Variants in WDR75 observed in about 807,000 individuals in gnomAD.
WDR75 encodes WD repeat domain 75.
A neutral mutation model predicts 106.1 loss-of-function variants in WDR75; 52 were observed. That is an observed-to-expected ratio of 0.49 (90% CI 0.39 to 0.62). WDR75 has a LOEUF of 0.62. Among genes scored for constraint, WDR75 ranks in the 20% least tolerant of loss-of-function variants. WDR75 has a pLI of 0.00. For missense variants in WDR75, 905 were observed against 970.3 expected, an observed-to-expected ratio of 0.93 and a Z score of 0.89; for synonymous variants, 333 against 335.5, an observed-to-expected ratio of 0.99 and a Z score of 0.08.
chr2:189,444,954 C>A (rs1057116930), intron 1 of WDR75, among the ~76,000 whole-genome samples: 3 of 152,140 alleles, frequency 2.0e-5, no homozygotes, highest in Non-Finnish European at 4.4e-5. Context: ...AATCTTGGTT[C>A]CGACTTGAAA....
intron 14 of WDR75, 150 bp from the exon 15 acceptor site, chr2:189,468,325 C>T: frequency 3.1e-6 from 2 of 644,972 alleles, no homozygotes; most frequent in Middle Eastern, 3.3e-4. Flanking sequence ...ACTCCTTAGA[C>T]ACTTTTTTCT....
Position 189,474,709 on chromosome 2 carries a change from G to C in WDR75, c.2197-8G>C, listed in dbSNP as rs1687178151. The C allele has an allele frequency of 6.2e-7, 1 of 1,613,060 alleles. No homozygotes were observed. The highest frequency in any genetic ancestry group is 1.3e-5 in the African/African-American group (1 of 74,896). ...TTAATTGCAACCGTGTTTTCTGTTT[G>C]ACTCCAGCTTCTTCACACTCCAGCC... On this transcript the variant is annotated splice_polypyrimidine_tract_variant and splice_region_variant and intron_variant, in intron 19 of 20. Coordinates refer to ENST00000314761, the MANE Select transcript of WDR75 (RefSeq NM_032168.3).
chr2:189,470,844 C>A lies in WDR75; in HGVS notation c.2015C>A (p.Ser672Tyr), dbSNP rs1207962325. Residue 672 changes from serine to tyrosine, a missense_variant, in exon 18 of 21, where the codon TCT becomes TAT. Coordinates refer to ENST00000314761, the MANE Select transcript of WDR75 (RefSeq NM_032168.3). Reference sequence around the variant, plus strand: ...AGTTTATTGACATTCAGTACAAAGTCTCCAGAAGAAAAACTCACACCAACA... The same window carrying A: ...AGTTTATTGACATTCAGTACAAAGTATCCAGAAGAAAAACTCACACCAACA... ...SQSLLTFSTK[S>Y]PEEKLTPTSK... The A allele has an allele frequency of 1.3e-6, 2 of 1,595,420 alleles. No individual in the cohort carries two copies. The highest frequency in any genetic ancestry group is 1.7e-6 in the Non-Finnish European group (2 of 1,172,442).
chr2:189,441,581 ATGAGGGGCACCGCGCTTTGTCGGC>A lies in WDR75; in HGVS notation c.86+12_86+35del, dbSNP rs750364678. 407 of 1,556,210 alleles carry A rather than the reference ATGAGGGGCACCGCGCTTTGTCGGC, an allele frequency of 2.6e-4. No homozygotes were observed. The highest frequency in any genetic ancestry group is 3.1e-4 in the Non-Finnish European group (359 of 1,149,170). On this transcript the variant is annotated splice_donor_5th_base_variant and intron_variant, in intron 1 of 20. Coordinates refer to ENST00000314761, the MANE Select transcript of WDR75 (RefSeq NM_032168.3). ...GCTGTGTTCTCTGCAGATTCTAAGT[ATGAGGGGCACCGCGCTTTGTCGGC>A]TGAGGGGCGGGGCGTGAGTTTCTCG...
chr2:189,452,121 A>T lies in WDR75; in HGVS notation c.373+226A>T, dbSNP rs1392780631. On this transcript the variant is annotated intron_variant, in intron 4 of 20. Transcript: ENST00000314761. ...ATGTGGTTGTAATAGTAGATTGCAG[A>T]CCTCAAATTTTAAATCTGCTTTACA... is the stretch of plus-strand genomic sequence containing the variant. The T allele has an allele frequency of 1.2e-5, 5 of 406,208 alleles. No homozygotes were observed. In the East Asian group the frequency reaches 2.2e-4, roughly 18 times the overall value. 25.2% of individuals were successfully genotyped at this position (406,208 alleles called of 1,614,324 possible). A position where few individuals can be genotyped will look rare whatever the true frequency, so the allele number is the denominator to read the frequency against.
At chr2:189,458,634 T>A in intron 6 of WDR75, 119 bp from the exon 7 acceptor site, 1 of 794,260 alleles carries the variant, frequency 1.3e-6, no homozygotes, top group Non-Finnish European at 1.8e-6. Flanking sequence ...GTTATATTTA[T>A]TGAATTCTGA....
At chr2:189,453,687 G>A (rs1363984494) in intron 4 of WDR75, among the ~76,000 whole-genome samples, 2 of 152,168 alleles carry the variant, frequency 1.3e-5, no homozygotes, top group Non-Finnish European at 2.9e-5. Flanking sequence ...AATCTGGATA[G>A]CTGCTACATA....
chr2:189,445,748 AG>A (rs1686485582), intron 1 of WDR75, among the ~76,000 whole-genome samples: 1 of 152,220 alleles, frequency 6.6e-6, no homozygotes, highest in South Asian at 2.1e-4. Context: ...AGCTAGGTGA[AG>A]CGTATGCAGG....
Position 189,448,448 on chromosome 2 carries a change from A to G in WDR75, c.156A>G (p.Ile52Met). ...YSTVTEECVH[I>M]LHGHRNLVTG... ...CAGTTACAGAAGAGTGTGTACACAT[A>G]CTGCATGGACACAGAAATCTGGTGA... Residue 52 changes from isoleucine to methionine, a missense_variant, in exon 2 of 21, where the codon ATA becomes ATG. Transcript: ENST00000314761. 6.2e-7 allele frequency: 1 copy of G among 1,613,868 alleles called. No homozygotes were observed. The highest frequency in any genetic ancestry group is 2.2e-5 in the East Asian group (1 of 44,878).
At position 189,455,415 on chromosome 2, in the gene WDR75, T is replaced by TC; in HGVS notation, c.470dup (p.Pro158ThrfsTer42). ...CTTTGTTTTGGATTACATAAACCAG[T>TC]CACCCAAGTGCATTGCCTTTGGAAA... On this transcript the variant is annotated frameshift_variant, in exon 5 of 21. Transcript: ENST00000314761. LOFTEE classifies it high-confidence loss of function. 6.2e-7 allele frequency: 1 copy of TC among 1,613,672 alleles called. No individual in the cohort carries two copies. The highest frequency in any genetic ancestry group is 8.5e-7 in the Non-Finnish European group (1 of 1,179,822).
intron 1 of WDR75, among the ~76,000 whole-genome samples, chr2:189,447,008 T>C (rs1342578636): frequency 6.6e-6 from 1 of 152,178 alleles, no homozygotes; most frequent in African/African-American, 2.4e-5. Context: ...GAAAAAGGAA[T>C]GATTCATGTC....
chr2:189,474,593 A>T, intron 19 of WDR75, 124 bp from the exon 20 acceptor site: 1 of 941,010 alleles, frequency 1.1e-6, no homozygotes, highest in Non-Finnish European at 1.6e-6. Context: ...TTGTATAGGG[A>T]AAGCCTTTTC....
chr2:189,471,962 T>C lies in WDR75; in HGVS notation c.2049+1084T>C, dbSNP rs543346406. 2.0e-5 allele frequency among the ~76,000 whole-genome samples: 3 copies of C among 152,340 alleles called. No homozygotes were observed. In the South Asian group the frequency reaches 6.2e-4, roughly 32 times the overall value. ...ATTATTGTCCTATTATTTTATAATT[T>C]CCATTATTACTAGAAGACCAATACC... On this transcript the variant is annotated intron_variant, in intron 18 of 20. Coordinates refer to ENST00000314761, the MANE Select transcript of WDR75 (RefSeq NM_032168.3).
chr2:189,441,665 G>C lies in WDR75; in HGVS notation c.86+87G>C, dbSNP rs147317232. ...GAGAAGGAATTGTCAGTCGCGTTCGGACTCGCCCGCCTGGCGGATATCGGC... is the reference window on the plus strand; with the variant it reads ...GAGAAGGAATTGTCAGTCGCGTTCGCACTCGCCCGCCTGGCGGATATCGGC... On this transcript the variant is annotated intron_variant, in intron 1 of 20. Coordinates refer to ENST00000314761, the MANE Select transcript of WDR75 (RefSeq NM_032168.3). 355 of 1,442,110 alleles carry C rather than the reference G, an allele frequency of 2.5e-4. No homozygotes were observed. In the African/African-American group the frequency reaches 3.9e-3, roughly 16 times the overall value. The allele number at this position is 1,442,110 out of a possible 1,614,324, so 89.3% of individuals were successfully genotyped here. A position where few individuals can be genotyped will look rare whatever the true frequency, so the allele number is the denominator to read the frequency against.
intron 2 of WDR75, chr2:189,450,610 C>T (rs777374947): frequency 5.5e-5 from 65 of 1,180,012 alleles, no homozygotes; most frequent in Non-Finnish European, 6.6e-5. Flanking sequence ...AGCCACTGCA[C>T]CTTGGTGCTT....
At position 189,468,501 on chromosome 2, in the gene WDR75, G is replaced by A. The variant is rs1255390514; in HGVS notation, c.1655G>A (p.Cys552Tyr). The change falls in exon 15 of 21, where the codon TGT (cysteine) becomes TAT (tyrosine). Residue 552 changes from cysteine to tyrosine, a missense_variant. Coordinates refer to ENST00000314761, the MANE Select transcript of WDR75 (RefSeq NM_032168.3). ...CACCTTTGCTTTGGGAGATTGACGTGTTCAAAGTATCTACTTGGTGCTACT... is the reference window on the plus strand; with the variant it reads ...CACCTTTGCTTTGGGAGATTGACGTATTCAAAGTATCTACTTGGTGCTACT... ...IRHLCFGRLTCSKYLLGATEN... is the reference protein window; with the variant it reads ...IRHLCFGRLTYSKYLLGATEN... 1 of 1,613,340 alleles carries A rather than the reference G, an allele frequency of 6.2e-7. No homozygotes were observed. Among genetic ancestry groups the A allele is most frequent in the Non-Finnish European group, 8.5e-7 (1 of 1,179,450 alleles).
chr2:189,455,513 A>G, intron 5 of WDR75, 69 bp downstream of exon 5: 2 of 1,530,356 alleles, frequency 1.3e-6, no homozygotes, highest in Non-Finnish European at 8.8e-7. Context: ...TCTTCTGAGC[A>G]TTTTATGTTA....
chr2:189,452,912 T>C (rs1686657324), intron 4 of WDR75, among the ~76,000 whole-genome samples: 1 of 152,124 alleles, frequency 6.6e-6, no homozygotes, highest in African/African-American at 2.4e-5. Context: ...GTAATCCCAG[T>C]GCTTTGGGAG....
At chr2:189,453,831 CA>C (rs752481351) in intron 4 of WDR75, among the ~76,000 whole-genome samples, 3 of 152,126 alleles carry the variant, frequency 2.0e-5, no homozygotes, top group Non-Finnish European at 2.9e-5. Context: ...CTATGTTCCA[CA>C]GCCCAAAACC....
Sources: gnomAD v4.1 joint callset for allele counts (sites outside exome capture counted in the v4.1 genomes callset) on GRCh38, gnomAD v4.1.1 for gene constraint, MANE v1.5 for transcripts, NCBI Gene and HGNC (gene_info 2026-07-23, HGNC 2026-07-21) for gene names.